The following CPEB1 variants were observed in gnomAD, a reference collection of about 807,000 sequenced individuals.
The protein encoded by CPEB1 is cytoplasmic polyadenylation element binding protein 1.
Under a neutral mutation model 65.8 loss-of-function variants are expected in CPEB1, and 7 were observed. The ratio of observed to expected loss-of-function variants is 0.11; its 90% CI spans 0.06 to 0.20. CPEB1 has a LOEUF of 0.20. CPEB1 is among the 10% of genes least tolerant of loss of function. The pLI, the probability that CPEB1 is intolerant of heterozygous loss-of-function variation, is 1.00. For missense variants in CPEB1, 551 were observed against 712.2 expected (o/e 0.77, Z 2.58); for synonymous variants, 262 against 260.0 (o/e 1.01, Z -0.08).
At chr15:82,573,209 A>T in intron 3 of CPEB1, 6 of 1,476,768 alleles carry the variant, frequency 4.1e-6, no homozygotes, top group Non-Finnish European at 5.4e-6. Context: ...TAGAAGGGAA[A>T]ATTATCAGTC....
At chr15:82,546,116 A>G (rs542203908) in intron 12 of CPEB1, among the ~76,000 whole-genome samples, 1 of 151,770 alleles carries the variant, frequency 6.6e-6, no homozygotes, top group Non-Finnish European at 1.5e-5. Flanking sequence ...TTGGCATAAC[A>G]ATTTTTTTTT....
intron 3 of CPEB1, among the ~76,000 whole-genome samples, chr15:82,590,516 A>AT (rs994437542): frequency 3.8e-4 from 58 of 151,470 alleles, no homozygotes; most frequent in South Asian, 1.0e-3. Context: ...CTCTCTGGGG[A>AT]TTTTTTTTTA....
At chr15:82,576,059 C>A (rs2040609852) in intron 3 of CPEB1, among the ~76,000 whole-genome samples, 1 of 152,136 alleles carries the variant, frequency 6.6e-6, no homozygotes, top group Non-Finnish European at 1.5e-5. Context: ...TTCATAATCA[C>A]CCAAACGTGG....
chr15:82,574,182 A>C (rs553576631), intron 3 of CPEB1, among the ~76,000 whole-genome samples: 5 of 152,204 alleles, frequency 3.3e-5, no homozygotes, highest in Admixed American at 3.3e-4. Flanking sequence ...GACATTCCTC[A>C]ATCTGTTGTT....
chr15:82,607,559 C>T (rs1193910267), intron 3 of CPEB1, among the ~76,000 whole-genome samples: 1 of 152,066 alleles, frequency 6.6e-6, no homozygotes, highest in Non-Finnish European at 1.5e-5. Context: ...TGCACTCCAG[C>T]CTGGATGACA....
rs776707753 is a variant in CPEB1 at position 82,556,030 on chromosome 15, C to G, written c.780G>C (p.Met260Ile). 10 of 1,613,310 alleles carry G rather than the reference C, an allele frequency of 6.2e-6. No homozygotes were observed. Among genetic ancestry groups the G allele is most frequent in the Middle Eastern group, 1.6e-4 (1 of 6,082 alleles). ...DPLKMGVGSR[M>I]DQEQAALAAV... is the part of the protein sequence containing the mutation. ...CAGCAAGAGCAGCTTGCTCTTGGTCCATCCGAGACCCTACCCCCATCTTTA... is the reference window on the plus strand; with the variant it reads ...CAGCAAGAGCAGCTTGCTCTTGGTCGATCCGAGACCCTACCCCCATCTTTA... Residue 260 changes from methionine (M) to isoleucine (I), a missense_variant, in exon 6 of 13, where the codon ATG becomes ATC. Physicochemically the swap from Met to Ile is conservative, Grantham distance 10. Around this residue, in one of 6 missense-constraint regions of CPEB1, gnomAD observed 128 missense variants for 129.1 expected, o/e 0.99. Transcript: ENST00000684509.
At chr15:82,560,032 C>T (rs1201805683) in intron 4 of CPEB1, among the ~76,000 whole-genome samples, 2 of 152,162 alleles carry the variant, frequency 1.3e-5, no homozygotes, top group African/African-American at 2.4e-5. Flanking sequence ...TGCAGTGAGC[C>T]GAGATTGCGC....
At chr15:82,621,591 C>G (rs1271044971) in intron 3 of CPEB1, among the ~76,000 whole-genome samples, 1 of 150,598 alleles carries the variant, frequency 6.6e-6, no homozygotes, top group East Asian at 1.9e-4. Flanking sequence ...GCACTCCAGC[C>G]TGGGAAACAA....
chr15:82,581,470 G>A (rs1010335235), intron 3 of CPEB1, among the ~76,000 whole-genome samples: 1 of 152,150 alleles, frequency 6.6e-6, no homozygotes, highest in African/African-American at 2.4e-5. Context: ...TACCTAGAAG[G>A]AGAATTGCTG....
At chr15:82,565,310 C>A (rs1307374961) in intron 4 of CPEB1, among the ~76,000 whole-genome samples, 1 of 152,126 alleles carries the variant, frequency 6.6e-6, no homozygotes, top group Non-Finnish European at 1.5e-5. Context: ...AGCAAAGCAG[C>A]AAAGACAAAG....
At chr15:82,574,504 G>A (rs1451128684) in intron 3 of CPEB1, among the ~76,000 whole-genome samples, 1 of 152,014 alleles carries the variant, frequency 6.6e-6, no homozygotes. Flanking sequence ...GATCGCTTGA[G>A]GTCAGGAGCT....
chr15:82,635,619 C>A (rs1279399475), intron 1 of CPEB1, among the ~76,000 whole-genome samples: 1 of 152,182 alleles, frequency 6.6e-6, no homozygotes, highest in Non-Finnish European at 1.5e-5. Context: ...TAAATGCTGA[C>A]AACCCACTAG....
At chr15:82,644,481 C>G (rs1162592377) in intron 1 of CPEB1, among the ~76,000 whole-genome samples, 3 of 152,286 alleles carry the variant, frequency 2.0e-5, no homozygotes, top group East Asian at 3.9e-4. Flanking sequence ...AAGACAGATT[C>G]CAAACTAGCC....
At chr15:82,629,469 C>G (rs1042634954) in intron 1 of CPEB1, 1 of 983,682 alleles carries the variant, frequency 1.0e-6, no homozygotes, top group Non-Finnish European at 1.2e-6. Flanking sequence ...TATAAAAAAT[C>G]ATGAACCCTT....
intron 3 of CPEB1, among the ~76,000 whole-genome samples, chr15:82,615,531 A>C (rs1363652047): frequency 6.6e-6 from 1 of 152,260 alleles, no homozygotes; most frequent in Non-Finnish European, 1.5e-5. Flanking sequence ...AGAATGGCAT[A>C]AAGGGAAAGA....
At chr15:82,573,196 G>A (rs1190315869) in intron 3 of CPEB1, 6 of 1,491,022 alleles carry the variant, frequency 4.0e-6, no homozygotes, top group Non-Finnish European at 5.3e-6. Context: ...CTCAGGCATA[G>A]CCTAGAAGGG....
intron 3 of CPEB1, among the ~76,000 whole-genome samples, chr15:82,582,473 A>C (rs960410968): frequency 6.6e-6 from 1 of 152,178 alleles, no homozygotes; most frequent in Admixed American, 6.5e-5. Flanking sequence ...TTTTACTAGA[A>C]AGCACACAAG....
At chr15:82,549,244 C>T (rs930709256) in intron 10 of CPEB1, among the ~76,000 whole-genome samples, 1 of 152,192 alleles carries the variant, frequency 6.6e-6, no homozygotes, top group Non-Finnish European at 1.5e-5. Context: ...TCTCCAATAG[C>T]TTTTTCTCCC....
intron 3 of CPEB1, among the ~76,000 whole-genome samples, chr15:82,612,928 A>G (rs1032622170): frequency 6.6e-6 from 1 of 152,150 alleles, no homozygotes; most frequent in Non-Finnish European, 1.5e-5. Flanking sequence ...AAACAAAAAC[A>G]AACAAAAACA....
Sources: allele counts gnomAD v4.1 joint callset (sites outside exome capture counted in the v4.1 genomes callset), GRCh38; gene constraint gnomAD v4.1.1; regional missense constraint gnomAD v4.1.1; transcripts MANE v1.5; gene names NCBI Gene and HGNC (gene_info 2026-07-23, HGNC 2026-07-21).